ZNF704: variants seen among roughly 807,000 people sequenced by gnomAD.
The protein encoded by ZNF704 is glucocorticoid induced gene 1.
In ZNF704, 10 loss-of-function variants were observed where a neutral mutation model predicts 44.7. That is an observed-to-expected ratio of 0.22 (90% CI 0.14 to 0.38). The LOEUF (loss-of-function observed/expected upper bound fraction) is 0.38. Among genes scored for constraint, ZNF704 ranks in the 10% least tolerant of loss-of-function variants. The pLI, the probability that ZNF704 is intolerant of heterozygous loss-of-function variation, is 1.00. For missense variants in ZNF704, 390 were observed against 545.5 expected, an observed-to-expected ratio of 0.71 and a Z score of 2.84; for synonymous variants, 211 against 207.6, an observed-to-expected ratio of 1.02 and a Z score of -0.14.
intron 2 of ZNF704, among the ~76,000 whole-genome samples, chr8:80,800,460 C>A (rs530749057): frequency 7.2e-5 from 11 of 152,280 alleles, no homozygotes; most frequent in African/African-American, 2.6e-4. Flanking sequence ...TAACAGTGGA[C>A]CTCTCAGCAG....
chr8:80,788,495 G>C (rs893579832), intron 2 of ZNF704, among the ~76,000 whole-genome samples: 1 of 152,186 alleles, frequency 6.6e-6, no homozygotes, highest in Non-Finnish European at 1.5e-5. Flanking sequence ...TGTCCAATGA[G>C]ATGTAACTGG....
chr8:80,661,072 T>C (rs1023855840), intron 6 of ZNF704, among the ~76,000 whole-genome samples: 1 of 152,134 alleles, frequency 6.6e-6, no homozygotes, highest in Non-Finnish European at 1.5e-5. Context: ...ATCCAGAATA[T>C]ACAATGAATT....
At chr8:80,809,012 C>G (rs938576479) in intron 2 of ZNF704, among the ~76,000 whole-genome samples, 4 of 152,320 alleles carry the variant, frequency 2.6e-5, no homozygotes, top group Admixed American at 2.6e-4. Context: ...TTGCATCCAG[C>G]TGGGTGCGGT....
chr8:80,714,045 T>C (rs1006214640), intron 2 of ZNF704, among the ~76,000 whole-genome samples: 1 of 152,192 alleles, frequency 6.6e-6, no homozygotes, highest in Admixed American at 6.5e-5. Context: ...TGGTCCACAT[T>C]CTTTTACCAT....
Position 80,641,340 on chromosome 8 carries a change from C to A in ZNF704, c.*26G>T. The A allele has an allele frequency of 6.5e-7, 1 of 1,535,608 alleles. No homozygotes were observed. The highest frequency in any genetic ancestry group is 8.9e-7 in the Non-Finnish European group (1 of 1,127,594). On this transcript the variant is annotated 3_prime_UTR_variant, in exon 9 of 9. Transcript: ENST00000327835. ...GGCCAGGGCAGGAGCGGCTCAGGGC[C>A]CTGAGCCCCTCTGCCTGGGGGTCTC...
At chr8:80,736,524 C>T (rs1203215225) in intron 2 of ZNF704, among the ~76,000 whole-genome samples, 2 of 152,136 alleles carry the variant, frequency 1.3e-5, no homozygotes, top group South Asian at 2.1e-4. Context: ...GTGATCCACC[C>T]GCCTAAGCCT....
intron 1 of ZNF704, among the ~76,000 whole-genome samples, chr8:80,835,665 G>A (rs910579027): frequency 7.2e-5 from 11 of 152,196 alleles, no homozygotes; most frequent in African/African-American, 1.9e-4. Context: ...AGGAAAAGCA[G>A]TTTCTTGCAT....
chr8:80,672,069 C>T (rs1818290384), intron 4 of ZNF704, among the ~76,000 whole-genome samples: 1 of 151,820 alleles, frequency 6.6e-6, no homozygotes, highest in Admixed American at 6.6e-5. Context: ...TAGAAAAAAA[C>T]ATTAAATATT....
chr8:80,750,357 T>TA (rs5892739), intron 2 of ZNF704, among the ~76,000 whole-genome samples: 140,371 of 147,008 alleles, frequency 0.95, 67,018 homozygotes, highest in East Asian at 1. Context: ...GTAGCTACAC[T>TA]AAAAAAAAAA....
intron 2 of ZNF704, among the ~76,000 whole-genome samples, chr8:80,746,556 T>C (rs2131699980): frequency 6.6e-6 from 1 of 152,314 alleles, no homozygotes; most frequent in South Asian, 2.1e-4. Context: ...CATTTTTGCC[T>C]CCAACAGTTC....
At chr8:80,803,879 C>T (rs920217516) in intron 2 of ZNF704, among the ~76,000 whole-genome samples, 6 of 152,130 alleles carry the variant, frequency 3.9e-5, no homozygotes, top group African/African-American at 1.4e-4. Flanking sequence ...AAGAAACTAT[C>T]ATCAGAGTGA....
intron 2 of ZNF704, among the ~76,000 whole-genome samples, chr8:80,701,418 G>A (rs1818808385): frequency 6.6e-6 from 1 of 151,786 alleles, no homozygotes; most frequent in Non-Finnish European, 1.5e-5. Flanking sequence ...CTCTAGGCAA[G>A]GTCTTTGTCA....
At chr8:80,654,107 T>C (rs1817968616) in intron 7 of ZNF704, among the ~76,000 whole-genome samples, 1 of 151,804 alleles carries the variant, frequency 6.6e-6, no homozygotes, top group Admixed American at 6.6e-5. Flanking sequence ...CCCTATTTAA[T>C]AAATGGTGCT....
intron 4 of ZNF704, among the ~76,000 whole-genome samples, chr8:80,674,329 T>C (rs1337746748): frequency 6.6e-6 from 1 of 152,220 alleles, no homozygotes; most frequent in Non-Finnish European, 1.5e-5. Flanking sequence ...AATACTGTCT[T>C]AGTCCATTTT....
At chr8:80,779,598 A>G (rs1312457447) in intron 2 of ZNF704, among the ~76,000 whole-genome samples, 1 of 152,136 alleles carries the variant, frequency 6.6e-6, no homozygotes, top group African/African-American at 2.4e-5. Flanking sequence ...TACATTATCT[A>G]AAGGAAAATA....
rs546988073 is a variant in ZNF704 at position 80,661,486 on chromosome 8, T to C, written c.928-1797A>G. On this transcript the variant is annotated intron_variant, in intron 6 of 8. Transcript: ENST00000327835. ...GAAATCAGCCTATCAAAGGGACACC[T>C]GCACTCTCATGTTTATTGCAGCACT... is the stretch of plus-strand genomic sequence containing the variant. Among the ~76,000 whole-genome samples the C allele has an allele frequency of 3.9e-5, 6 of 152,332 alleles. No individual in the cohort carries two copies. In the East Asian group the frequency reaches 1.2e-3, roughly 29 times the overall value.
At chr8:80,671,002 T>C (rs1818269542) in intron 4 of ZNF704, among the ~76,000 whole-genome samples, 1 of 152,290 alleles carries the variant, frequency 6.6e-6, no homozygotes, top group African/African-American at 2.4e-5. Context: ...GAAAGCTCCA[T>C]AAAAAGTGTC....
chr8:80,682,669 C>G (rs767463606), intron 4 of ZNF704, among the ~76,000 whole-genome samples: 31 of 152,320 alleles, frequency 2.0e-4, no homozygotes, highest in Admixed American at 8.5e-4. Context: ...GCAAGCACCC[C>G]CTTCTCTCCA....
rs1010353489 is a variant in ZNF704, at chr8:80,742,141, AGAAAG to A, written c.222-49039_222-49035del. ...GCAGTCTTACACTGCCGGGGTCATC[AGAAAG>A]GAAAGGAAAGGGAAATAGAAGGGAA... On this transcript the variant is annotated intron_variant, in intron 2 of 8. Transcript: ENST00000327835. Among the ~76,000 whole-genome samples, 3 of 152,150 alleles carry A rather than the reference AGAAAG, an allele frequency of 2.0e-5. No homozygotes were observed. The South Asian group carries it at 6.2e-4, about 32-fold the overall frequency.
Sources: gnomAD v4.1 joint callset for allele counts (sites outside exome capture counted in the v4.1 genomes callset) on GRCh38, gnomAD v4.1.1 for gene constraint, MANE v1.5 for transcripts, NCBI Gene and HGNC (gene_info 2026-07-23, HGNC 2026-07-21) for gene names.